FAM117B: variants seen among roughly 807,000 people sequenced by gnomAD.
The protein encoded by FAM117B is family with sequence similarity 117 member B, also known as protein FAM117B.
A neutral mutation model predicts 52.8 loss-of-function variants in FAM117B; 22 were observed. The observed-to-expected ratio is 0.42, with a 90% CI of 0.30 to 0.59. The LOEUF (loss-of-function observed/expected upper bound fraction) is 0.59. FAM117B is among the 20% of genes least tolerant of loss of function. FAM117B has a pLI of 0.22. For synonymous variants in FAM117B, 309 were observed against 324.1 expected, an observed-to-expected ratio of 0.95 and a Z score of 0.50; for missense variants, 678 against 802.6, an observed-to-expected ratio of 0.84 and a Z score of 1.88.
At chr2:202,666,978 C>A (rs1234008420) in intron 1 of FAM117B, among the ~76,000 whole-genome samples, 1 of 151,312 alleles carries the variant, frequency 6.6e-6, no homozygotes, top group South Asian at 2.1e-4. Flanking sequence ...AAATGCAGAT[C>A]GAAAATCTGT....
intron 2 of FAM117B, among the ~76,000 whole-genome samples, chr2:202,709,349 C>T (rs1417421983): frequency 2.0e-5 from 3 of 152,074 alleles, no homozygotes; most frequent in Non-Finnish European, 4.4e-5. Flanking sequence ...ATTACAGGCA[C>T]CCGCCATCAC....
intron 4 of FAM117B, among the ~76,000 whole-genome samples, chr2:202,747,399 A>G (rs938994275): frequency 2.0e-5 from 3 of 152,176 alleles, no homozygotes; most frequent in African/African-American, 7.2e-5. Context: ...CCAGTTATTC[A>G]GTATAGTACT....
chr2:202,722,254 C>A (rs943902317), intron 2 of FAM117B, among the ~76,000 whole-genome samples: 1 of 152,008 alleles, frequency 6.6e-6, no homozygotes, highest in African/African-American at 2.4e-5. Flanking sequence ...TCGTGATCCA[C>A]CCGCCTCGGC....
intron 1 of FAM117B, among the ~76,000 whole-genome samples, chr2:202,654,840 C>T (rs1159336714): frequency 6.6e-6 from 1 of 151,932 alleles, no homozygotes; most frequent in African/African-American, 2.4e-5. Flanking sequence ...TTATAAACTT[C>T]TAGTGGGCAT....
chr2:202,719,268 A>G (rs1370929976), intron 2 of FAM117B, among the ~76,000 whole-genome samples: 1 of 152,056 alleles, frequency 6.6e-6, no homozygotes, highest in African/African-American at 2.4e-5. Flanking sequence ...CTTTATGCTT[A>G]TTTTTATTTG....
At chr2:202,655,032 AT>A (rs1481211060) in intron 1 of FAM117B, among the ~76,000 whole-genome samples, 1 of 152,148 alleles carries the variant, frequency 6.6e-6, no homozygotes, top group Non-Finnish European at 1.5e-5. Context: ...TAAGTTTTAA[AT>A]AATTTAATGC....
chr2:202,748,485 G>A (rs1691669684), intron 4 of FAM117B, among the ~76,000 whole-genome samples: 1 of 152,030 alleles, frequency 6.6e-6, no homozygotes, highest in Non-Finnish European at 1.5e-5. Context: ...AGAGTGAAGA[G>A]AAAACCTGTT....
chr2:202,673,799 C>A (rs146307986), intron 1 of FAM117B, among the ~76,000 whole-genome samples: 9 of 152,232 alleles, frequency 5.9e-5, no homozygotes, highest in African/African-American at 1.9e-4. Flanking sequence ...TCATAAAGAG[C>A]CTTCTTGAAA....
Position 202,700,627 on chromosome 2 carries a change from T to G in FAM117B, c.753+4595T>G, listed in dbSNP as rs551993955. 4.6e-5 allele frequency among the ~76,000 whole-genome samples: 7 copies of G among 151,826 alleles called. No individual in the cohort carries two copies. In the East Asian group the frequency reaches 9.7e-4, roughly 21 times the overall value. ...GCAAGTACTGATATAGAAACTGTAG[T>G]AAGTTATCCAGAAGATCTAGCTAAG... is the stretch of plus-strand genomic sequence containing the variant. On this transcript the variant is annotated intron_variant, in intron 2 of 7. Transcript: ENST00000392238.
chr2:202,740,175 A>C lies in FAM117B; in HGVS notation c.960+13812A>C, dbSNP rs34245970. Among the ~76,000 whole-genome samples, 247 of 125,962 alleles carry C rather than the reference A, an allele frequency of 2.0e-3. 1 individual carries two copies. Among genetic ancestry groups the C allele is most frequent in the East Asian group, 8.5e-3 (38 of 4,480 alleles). 82.6% of individuals were successfully genotyped at this position (125,962 alleles called of 152,430 possible). A position where few individuals can be genotyped will look rare whatever the true frequency, so the allele number is the denominator to read the frequency against. The stretch of plus-strand genomic sequence containing the variant: ...AGGACAGAGCGAGACTTCATCCCCC[A>C]AAAAAAAAAAAAAAAAAAAAAAAAA... On this transcript the variant is annotated intron_variant, in intron 4 of 7. Coordinates refer to ENST00000392238, the MANE Select transcript of FAM117B (RefSeq NM_173511.4).
intron 7 of FAM117B, among the ~76,000 whole-genome samples, chr2:202,763,469 CAAG>C (rs1255033136): frequency 6.6e-6 from 1 of 152,096 alleles, no homozygotes; most frequent in East Asian, 1.9e-4. Flanking sequence ...TCATTTTCTA[CAAG>C]AAGTTTTTCA....
intron 1 of FAM117B, among the ~76,000 whole-genome samples, chr2:202,682,690 G>A (rs1053475138): frequency 6.6e-6 from 1 of 152,204 alleles, no homozygotes; most frequent in Admixed American, 6.5e-5. Flanking sequence ...TAAAGAGAGT[G>A]AAATATAGAA....
At chr2:202,695,743 G>C in intron 1 of FAM117B, 138 bp from the exon 2 acceptor site, 1 of 805,134 alleles carries the variant, frequency 1.2e-6, no homozygotes. Flanking sequence ...TCTTTACTGG[G>C]GGTCTTGGAA....
intron 2 of FAM117B, among the ~76,000 whole-genome samples, chr2:202,717,462 C>T (rs1177923254): frequency 6.6e-6 from 1 of 151,976 alleles, no homozygotes. Context: ...ACAGTGAGAT[C>T]CTGTCTCAAA....
At chr2:202,712,389 T>A (rs1690971416) in intron 2 of FAM117B, among the ~76,000 whole-genome samples, 1 of 151,600 alleles carries the variant, frequency 6.6e-6, no homozygotes, top group African/African-American at 2.4e-5. Context: ...TGATTTTGTA[T>A]CCTGCAACCT....
chr2:202,680,254 A>G (rs1690442175), intron 1 of FAM117B, among the ~76,000 whole-genome samples: 1 of 152,116 alleles, frequency 6.6e-6, no homozygotes, highest in African/African-American at 2.4e-5. Flanking sequence ...AAGAAGGAAG[A>G]GCCACAAAAA....
At chr2:202,729,683 T>C (rs1487950725) in intron 4 of FAM117B, among the ~76,000 whole-genome samples, 4 of 152,136 alleles carry the variant, frequency 2.6e-5, no homozygotes, top group South Asian at 2.1e-4. Flanking sequence ...GATGGAGTCA[T>C]CTAGAAAGAC....
chr2:202,705,554 T>G (rs1387596027), intron 2 of FAM117B, among the ~76,000 whole-genome samples: 2 of 152,166 alleles, frequency 1.3e-5, no homozygotes, highest in Non-Finnish European at 2.9e-5. Flanking sequence ...CCTTTTAGCT[T>G]AGTGCTCCAG....
At chr2:202,698,683 A>C (rs1228873821) in intron 2 of FAM117B, among the ~76,000 whole-genome samples, 1 of 152,148 alleles carries the variant, frequency 6.6e-6, no homozygotes, top group Non-Finnish European at 1.5e-5. Context: ...TTGGCCTCCC[A>C]AAGCGCTAGG....
Sources: gnomAD v4.1 joint callset for allele counts (sites outside exome capture counted in the v4.1 genomes callset) on GRCh38, gnomAD v4.1.1 for gene constraint, MANE v1.5 for transcripts, NCBI Gene and HGNC (gene_info 2026-07-23, HGNC 2026-07-21) for gene names.